The following PACS2 variants were observed in gnomAD, a reference collection of about 807,000 sequenced individuals.
PACS2 encodes phosphofurin acidic cluster sorting protein 2, also known as PACS1-like protein.
In PACS2, 36 loss-of-function variants were observed where a neutral mutation model predicts 113.0. The observed-to-expected ratio is 0.32, with a 90% confidence interval of 0.24 to 0.42. PACS2 has a LOEUF of 0.42. Among genes scored for constraint, PACS2 ranks in the 10% least tolerant of loss-of-function variants. PACS2 has a pLI of 1.00. For missense variants in PACS2, 1,015 were observed against 1,239.5 expected (o/e 0.82, Z 2.72); for synonymous variants, 589 against 536.1 (o/e 1.10, Z -1.36).
chr14:105,367,235 G>T lies in PACS2; in HGVS notation c.446G>T (p.Gly149Val). 6.2e-7 allele frequency: 1 copy of T among 1,613,070 alleles called. No homozygotes were observed. The highest frequency in any genetic ancestry group is 8.5e-7 in the Non-Finnish European group (1 of 1,180,000). The stretch of plus-strand genomic sequence containing the variant: ...CAGGTGATGCAACACCCGTCTGAAG[G>T]TGGCCAGGTGCTGAGCCTCTGCAGC... Reference protein sequence around the residue: ...MAEVMQHPSEGGQVLSLCSSI... With the variant: ...MAEVMQHPSEVGQVLSLCSSI... Residue 149 changes from glycine (G) to valine (V), a missense_variant, in exon 5 of 25, where the codon GGT (glycine) becomes GTT (valine). Transcript: ENST00000447393.
rs2140754195 is a variant in PACS2, at chr14:105,315,198, C to G, written c.119+161C>G. On this transcript the variant is annotated intron_variant, in intron 1 of 24. Coordinates refer to ENST00000447393, the MANE Select transcript of PACS2 (RefSeq NM_001100913.3). This position sits in a 1 kb window ranked among gnomAD's most constrained non-coding sequence, Gnocchi z 4.4. The stretch of plus-strand genomic sequence containing the variant: ...TTCGACGCGTGCAGCCGCCGCCCCC[C>G]CGCAGCTCCGGCAAGCGCGGCCCCA... 1 of 269,006 alleles carries G rather than the reference C, an allele frequency of 3.7e-6. No individual in the cohort carries two copies. The highest frequency in any genetic ancestry group is 5.9e-6 in the Non-Finnish European group (1 of 169,452). The allele number at this position is 269,006 out of a possible 1,614,324, so 16.7% of individuals were successfully genotyped here.
chr14:105,348,456 G>T lies in PACS2; in HGVS notation c.120-37G>T. ...CACAGGGCCGCGTCCTGAGGAGAGG[G>T]CGGAGCCCCGAGGCTGAGCTGTGCC... On this transcript the variant is annotated intron_variant, in intron 1 of 24. Coordinates refer to ENST00000447393, the MANE Select transcript of PACS2 (RefSeq NM_001100913.3). This position sits in a 1 kb window ranked among gnomAD's most constrained non-coding sequence, Gnocchi z 6.4. 5.9e-6 allele frequency: 9 copies of T among 1,516,284 alleles called. No individual in the cohort carries two copies. Among genetic ancestry groups the T allele is most frequent in the Non-Finnish European group, 8.2e-6 (9 of 1,095,280 alleles). 93.9% of individuals were successfully genotyped at this position (1,516,284 alleles called of 1,614,324 possible). A position where few individuals can be genotyped will look rare whatever the true frequency, so the allele number is the denominator to read the frequency against.
At chr14:105,328,656 C>A (rs1354357455) in intron 1 of PACS2, among the ~76,000 whole-genome samples, 4 of 152,196 alleles carry the variant, frequency 2.6e-5, no homozygotes. Context: ...AGTCTTGGCG[C>A]GTGGGCTGGA....
rs2058523544 is a variant in PACS2, at chr14:105,315,205, T to G, written c.119+168T>G. 4.0e-6 allele frequency: 1 copy of G among 249,838 alleles called. No homozygotes were observed. The highest frequency in any genetic ancestry group is 6.5e-6 in the Non-Finnish European group (1 of 152,828). 15.5% of individuals were successfully genotyped at this position (249,838 alleles called of 1,614,324 possible). ...CGTGCAGCCGCCGCCCCCCCGCAGC[T>G]CCGGCAAGCGCGGCCCCAGCCCCCC... On this transcript the variant is annotated intron_variant, in intron 1 of 24. Transcript: ENST00000447393. This position sits in a 1 kb window ranked among gnomAD's most constrained non-coding sequence, Gnocchi z 4.4.
At chr14:105,345,646 A>G (rs1252520875) in intron 1 of PACS2, among the ~76,000 whole-genome samples, 1 of 152,174 alleles carries the variant, frequency 6.6e-6, no homozygotes, top group East Asian at 1.9e-4. Flanking sequence ...TTTCCCCGCC[A>G]TCTTTCTGTG....
rs1430567940 is a variant in PACS2 at position 105,366,805 on chromosome 14, A to T, written c.424-408A>T. Among the ~76,000 whole-genome samples the T allele has an allele frequency of 6.6e-6, 1 of 152,096 alleles. No homozygotes were observed. The highest frequency in any genetic ancestry group is 1.5e-5 in the Non-Finnish European group (1 of 68,008). ...TGGAGGGTGGAGGCAGGGTTGGAGC[A>T]GGGGGCCAGGATCTTCCTGGGTGGC... On this transcript the variant is annotated intron_variant, in intron 4 of 24. Coordinates refer to ENST00000447393, the MANE Select transcript of PACS2 (RefSeq NM_001100913.3). The surrounding 1 kb of genome is among the most constrained non-coding windows in gnomAD (Gnocchi z 4.3).
At chr14:105,318,056 C>T (rs2058740797) in intron 1 of PACS2, among the ~76,000 whole-genome samples, 1 of 152,244 alleles carries the variant, frequency 6.6e-6, no homozygotes, top group East Asian at 1.9e-4. Flanking sequence ...CCCCCACCTG[C>T]TCTTCAGCAA....
rs2058729430 is a variant in PACS2, at chr14:105,317,634, T to C, written c.119+2597T>C. On this transcript the variant is annotated intron_variant, in intron 1 of 24. Coordinates refer to ENST00000447393, the MANE Select transcript of PACS2 (RefSeq NM_001100913.3). This position sits in a 1 kb window ranked among gnomAD's most constrained non-coding sequence, Gnocchi z 4.2. ...TTGCCAGTTTTTTTTTCTCTTTTTT[T>C]CTGCTTGAGTTTCAGCAGTTTCTTT... is the stretch of plus-strand genomic sequence containing the variant. Among the ~76,000 whole-genome samples, 1 of 152,248 alleles carries C rather than the reference T, an allele frequency of 6.6e-6. No homozygotes were observed. Among genetic ancestry groups the C allele is most frequent in the African/African-American group, 2.4e-5 (1 of 41,460 alleles).
At chr14:105,383,104 G>T in intron 15 of PACS2, 191 bp downstream of exon 15, 1 of 623,834 alleles carries the variant, frequency 1.6e-6, no homozygotes, top group Non-Finnish European at 2.9e-6. Context: ...GCAGCCTGGT[G>T]GGTGTCCTGC....
At chr14:105,360,190 G>A (rs1555406150) in intron 4 of PACS2, among the ~76,000 whole-genome samples, 1 of 152,210 alleles carries the variant, frequency 6.6e-6, no homozygotes, top group Non-Finnish European at 1.5e-5. Context: ...CTGTACTGTA[G>A]TCTGTTAAGT....
intron 1 of PACS2, among the ~76,000 whole-genome samples, chr14:105,337,033 C>G (rs2059552201): frequency 6.6e-6 from 1 of 152,190 alleles, no homozygotes; most frequent in South Asian, 2.1e-4. Flanking sequence ...TCCGCACCAC[C>G]CAGCATCACT....
chr14:105,350,745 C>G (rs2141018446), intron 2 of PACS2, among the ~76,000 whole-genome samples: 1 of 152,348 alleles, frequency 6.6e-6, no homozygotes, highest in South Asian at 2.1e-4. Context: ...CAGCTGGGTC[C>G]CTGCAGGTCC....
At chr14:105,364,588 A>G (rs1436546039) in intron 4 of PACS2, among the ~76,000 whole-genome samples, 1 of 150,574 alleles carries the variant, frequency 6.6e-6, no homozygotes, top group Non-Finnish European at 1.5e-5. Context: ...CTCACCATGC[A>G]TGTCTCAGAA....
In PACS2 at chr14:105,380,971, G is replaced by A. The variant is rs368644586; in HGVS notation, c.1140G>A (p.Pro380=). The A allele has an allele frequency of 8.7e-6, 14 of 1,611,170 alleles. No homozygotes were observed. In the East Asian group the frequency reaches 8.9e-5, roughly 10 times the overall value. The stretch of plus-strand genomic sequence containing the variant: ...CTGCTCAGCAGGGTGTGCCAGGCCC[G>A]AGGGAGCACCCTGGACAGCCTGAGG... ...SDTVALGVPG[P]REHPGQPEDS... is the part of the protein sequence containing the mutation. The change falls in exon 12 of 25, where the codon CCG becomes CCA. Residue 380 remains proline, a synonymous_variant. Coordinates refer to ENST00000447393, the MANE Select transcript of PACS2 (RefSeq NM_001100913.3).
intron 4 of PACS2, among the ~76,000 whole-genome samples, chr14:105,362,274 T>G (rs143301387): frequency 1.1e-4 from 15 of 136,272 alleles, no homozygotes; most frequent in African/African-American, 3.8e-4. Flanking sequence ...AAAAATTAGC[T>G]GGGCGTGGTG....
Position 105,392,722 on chromosome 14 carries a change from A to T in PACS2, c.2359A>T (p.Thr787Ser). ...RDAEKKDLPV[T>S]KNTLKCTFRS... ...CGCCGAGAAGAAGGACCTGCCTGTC[A>T]CCAAAAACACGCTCAAGTGCACTTT... The change falls in exon 23 of 25, where the codon ACC becomes TCC. Residue 787 changes from threonine to serine, a missense_variant. Transcript: ENST00000447393. 6.2e-7 allele frequency: 1 copy of T among 1,612,970 alleles called. No homozygotes were observed. The highest frequency in any genetic ancestry group is 8.5e-7 in the Non-Finnish European group (1 of 1,179,990).
intron 11 of PACS2, among the ~76,000 whole-genome samples, chr14:105,380,636 C>G (rs1459797792): frequency 2.0e-5 from 3 of 152,216 alleles, no homozygotes; most frequent in Non-Finnish European, 4.4e-5. Context: ...TCCCCCCACC[C>G]TCAGGTGGAT....
At chr14:105,363,266 C>T (rs587635563) in intron 4 of PACS2, among the ~76,000 whole-genome samples, 2 of 152,312 alleles carry the variant, frequency 1.3e-5, no homozygotes, top group South Asian at 2.1e-4. Flanking sequence ...GGCCAGGCAT[C>T]GACTTCTCCT....
chr14:105,386,811 T>C (rs927631329), intron 19 of PACS2, among the ~76,000 whole-genome samples: 18 of 152,116 alleles, frequency 1.2e-4, no homozygotes, highest in Non-Finnish European at 2.2e-4. Flanking sequence ...TCCTATGTCT[T>C]GTCCTGCTAA....
Sources: gnomAD v4.1 joint callset for allele counts (sites outside exome capture counted in the v4.1 genomes callset) on GRCh38, gnomAD v4.1.1 for gene constraint, Gnocchi (gnomAD v3.1) non-coding constraint, MANE v1.5 for transcripts, NCBI Gene and HGNC (gene_info 2026-07-23, HGNC 2026-07-21) for gene names.